SLC4A4: variants seen among roughly 807,000 people sequenced by gnomAD.
SLC4A4 encodes the protein solute carrier family 4 member 4, also known as electrogenic sodium bicarbonate cotransporter 1.
In SLC4A4, 27 loss-of-function variants were observed where a neutral mutation model predicts 111.5. The ratio of observed to expected loss-of-function variants is 0.24; its 90% CI spans 0.18 to 0.33. SLC4A4 has a LOEUF of 0.33. SLC4A4 is among the 10% of genes least tolerant of loss of function. The probability of loss-of-function intolerance (pLI) is 1.00; values close to 1 mark genes in which losing one functional copy is unlikely to be tolerated. For missense variants in SLC4A4, 909 were observed against 1,315.5 expected (o/e 0.69, Z 4.78); for synonymous variants, 443 against 463.4 (o/e 0.96, Z 0.57).
At chr4:71,208,439 A>ATATATATAT (rs201319521) in intron 1 of SLC4A4, among the ~76,000 whole-genome samples, 3 of 142,086 alleles carry the variant, frequency 2.1e-5, no homozygotes, top group Non-Finnish European at 3.0e-5. Context: ...TCAAAAAAAA[A>ATATATATAT]AAAAATATAT....
chr4:71,135,235 G>T (rs1244631340), intron 2 of SLC4A4, among the ~76,000 whole-genome samples: 2 of 151,560 alleles, frequency 1.3e-5, no homozygotes, highest in African/African-American at 4.9e-5. Flanking sequence ...TGGCTAAATT[G>T]AGCTAATTAA....
At chr4:71,312,445 G>A (rs552231792) in intron 3 of SLC4A4, among the ~76,000 whole-genome samples, 29 of 152,166 alleles carry the variant, frequency 1.9e-4, no homozygotes, top group Admixed American at 4.6e-4. Context: ...ATCCTGATTC[G>A]AAAACCTGGC....
intron 6 of SLC4A4, among the ~76,000 whole-genome samples, chr4:71,371,245 C>CTTT (rs71213506): frequency 1.7e-4 from 21 of 120,072 alleles, no homozygotes; most frequent in South Asian, 5.4e-4. Context: ...CCAGGAATGC[C>CTTT]TTTTTTTTTT....
chr4:71,450,331 G>C (rs1435448571), intron 9 of SLC4A4, 58 bp from the exon 10 acceptor site: 2 of 1,185,198 alleles, frequency 1.7e-6, no homozygotes, highest in Admixed American at 3.4e-5. Flanking sequence ...GCTTGATATG[G>C]TGTGAAGCAT....
intron 12 of SLC4A4, among the ~76,000 whole-genome samples, chr4:71,462,848 G>A (rs773097261): frequency 3.3e-5 from 5 of 152,112 alleles, no homozygotes; most frequent in Non-Finnish European, 7.4e-5. Context: ...GCATAGGTAG[G>A]TTAAATAACT....
At chr4:71,531,799 ACAC>A (rs1733946863) in intron 16 of SLC4A4, among the ~76,000 whole-genome samples, 2 of 147,854 alleles carry the variant, frequency 1.4e-5, no homozygotes, top group African/African-American at 5.1e-5. Context: ...ACACACACAC[ACAC>A]ACAGAAAGAG....
chr4:71,447,702 G>T lies in SLC4A4; in HGVS notation c.1022G>T (p.Gly341Val). The change falls in exon 9 of 26, where the codon GGC becomes GTC. Residue 341 changes from glycine to valine, a missense_variant. Gly to Val is a moderately radical substitution (Grantham distance 109). This residue lies in a region of SLC4A4 where 312 missense variants were observed against 402.0 expected (regional missense o/e 0.78). Coordinates refer to ENST00000264485, the MANE Select transcript of SLC4A4 (RefSeq NM_001098484.3). Reference protein sequence around the residue: ...KGKAKSYHEIGRAIATLMSDE... With the variant: ...KGKAKSYHEIVRAIATLMSDE... ...AAAGCCAAGTCCTACCACGAGATTG[G>T]CAGAGCCATTGCCACCCTGATGTCT... 6.2e-7 allele frequency: 1 copy of T among 1,612,546 alleles called. No individual in the cohort carries two copies. The highest frequency in any genetic ancestry group is 8.5e-7 in the Non-Finnish European group (1 of 1,178,828).
At chr4:71,064,230 T>C (rs1234318307) in intron 1 of SLC4A4, among the ~76,000 whole-genome samples, 2 of 152,234 alleles carry the variant, frequency 1.3e-5, no homozygotes, top group African/African-American at 4.8e-5. Flanking sequence ...GTAATTCAGC[T>C]TTTCTGAACC....
chr4:71,498,426 A>G (rs1006958960), intron 16 of SLC4A4, among the ~76,000 whole-genome samples: 14 of 152,146 alleles, frequency 9.2e-5, no homozygotes, highest in Admixed American at 5.9e-4. Context: ...TTAGGATGTC[A>G]GTATTTCTTA....
chr4:71,532,772 A>T (rs777739154), intron 17 of SLC4A4, among the ~76,000 whole-genome samples: 1 of 152,168 alleles, frequency 6.6e-6, no homozygotes, highest in Non-Finnish European at 1.5e-5. Context: ...GAATTAAGTA[A>T]AATGCCTAAG....
chr4:71,244,366 C>T (rs1720476242), intron 2 of SLC4A4, among the ~76,000 whole-genome samples: 1 of 152,128 alleles, frequency 6.6e-6, no homozygotes, highest in African/African-American at 2.4e-5. Context: ...CAGTGAGTAA[C>T]CCATCTTCTT....
chr4:71,516,232 A>C (rs2149183829), intron 16 of SLC4A4, among the ~76,000 whole-genome samples: 1 of 150,890 alleles, frequency 6.6e-6, no homozygotes, highest in African/African-American at 2.4e-5. Flanking sequence ...AGTAGCTGGG[A>C]CTATAGGCAC....
intron 1 of SLC4A4, chr4:71,236,050 C>T: frequency 1.0e-6 from 1 of 993,178 alleles, no homozygotes; most frequent in Admixed American, 5.6e-5. Context: ...TGGCTGGAAG[C>T]TAGGCTCCCA....
chr4:71,160,535 G>A (rs1318474977), intron 2 of SLC4A4, among the ~76,000 whole-genome samples: 1 of 152,002 alleles, frequency 6.6e-6, no homozygotes, highest in African/African-American at 2.4e-5. Context: ...CTTAAATAAT[G>A]AGGAGAAGAA....
chr4:71,502,314 A>T (rs571082677), intron 16 of SLC4A4, among the ~76,000 whole-genome samples: 1 of 152,180 alleles, frequency 6.6e-6, no homozygotes, highest in South Asian at 2.1e-4. Context: ...TAATTTTTTT[A>T]ACTTGTCTTA....
At chr4:71,151,265 A>G (rs1383287731) in intron 2 of SLC4A4, among the ~76,000 whole-genome samples, 1 of 152,234 alleles carries the variant, frequency 6.6e-6, no homozygotes, top group African/African-American at 2.4e-5. Context: ...TAACTTAAAC[A>G]TGTATTCCTA....
intron 6 of SLC4A4, among the ~76,000 whole-genome samples, chr4:71,376,156 T>TATATACACACACAC (rs1553900734): frequency 1.0e-4 from 14 of 135,550 alleles, no homozygotes; most frequent in African/African-American, 3.0e-4. Context: ...CCTGTATATA[T>TATATACACACACAC]ACACACACAC....
intron 2 of SLC4A4, among the ~76,000 whole-genome samples, chr4:71,238,608 T>C (rs559527880): frequency 6.6e-6 from 1 of 152,192 alleles, no homozygotes; most frequent in Non-Finnish European, 1.5e-5. Flanking sequence ...TTCCAAGACA[T>C]GCTCAGATAG....
intron 18 of SLC4A4, among the ~76,000 whole-genome samples, chr4:71,544,734 C>T (rs1735359999): frequency 1.3e-5 from 2 of 152,160 alleles, no homozygotes; most frequent in South Asian, 4.1e-4. Flanking sequence ...CAGTGGTTTC[C>T]CATTATACTC....
Sources: gnomAD v4.1 joint callset for allele counts (sites outside exome capture counted in the v4.1 genomes callset) on GRCh38, gnomAD v4.1.1 for gene constraint, gnomAD v4.1.1 regional missense constraint, MANE v1.5 for transcripts, NCBI Gene and HGNC (gene_info 2026-07-23, HGNC 2026-07-21) for gene names.